DLG2: variants seen among roughly 807,000 people sequenced by gnomAD.
The protein encoded by DLG2 is discs large MAGUK scaffold protein 2, also known as disks large homolog 2.
A neutral mutation model predicts 132.5 loss-of-function variants in DLG2; 45 were observed. The ratio of observed to expected loss-of-function variants is 0.34; its 90% CI spans 0.27 to 0.44. The LOEUF is 0.44. Among genes scored for constraint, DLG2 ranks in the 20% least tolerant of loss-of-function variants. The pLI, the probability that DLG2 is intolerant of heterozygous loss-of-function variation, is 1.00. For missense variants in DLG2, 1,045 were observed against 1,196.9 expected, an observed-to-expected ratio of 0.87 and a Z score of 1.87; for synonymous variants, 424 against 419.6, an observed-to-expected ratio of 1.01 and a Z score of -0.13.
intron 7 of DLG2, among the ~76,000 whole-genome samples, chr11:84,533,100 GCTGAAAGATTTC>G (rs2099346782): frequency 6.6e-6 from 1 of 152,184 alleles, no homozygotes; most frequent in Non-Finnish European, 1.5e-5. Context: ...ATTATCCATT[GCTGAAAGATTTC>G]TAGGGATAGG....
At chr11:83,896,821 G>A (rs1241416253) in intron 15 of DLG2, among the ~76,000 whole-genome samples, 1 of 152,066 alleles carries the variant, frequency 6.6e-6, no homozygotes, top group Non-Finnish European at 1.5e-5. Flanking sequence ...CACTAGAAAT[G>A]GGTGAAGTTT....
intron 3 of DLG2, among the ~76,000 whole-genome samples, chr11:85,512,709 G>A (rs558026517): frequency 6.6e-6 from 1 of 152,166 alleles, no homozygotes; most frequent in Non-Finnish European, 1.5e-5. Context: ...TGGTGAGGTT[G>A]CAGAAAAAAG....
chr11:83,508,788 G>A (rs1372083364), intron 21 of DLG2, among the ~76,000 whole-genome samples: 1 of 152,108 alleles, frequency 6.6e-6, no homozygotes, highest in Non-Finnish European at 1.5e-5. Context: ...TTGCCCAGCC[G>A]GCAAGTGGCA....
At chr11:84,056,990 A>G (rs1288702503) in intron 11 of DLG2, among the ~76,000 whole-genome samples, 1 of 152,100 alleles carries the variant, frequency 6.6e-6, no homozygotes, top group African/African-American at 2.4e-5. Flanking sequence ...TCCTCATCTC[A>G]GTAGACCAAG....
At chr11:83,809,181 A>G (rs919592750) in intron 17 of DLG2, among the ~76,000 whole-genome samples, 7 of 152,192 alleles carry the variant, frequency 4.6e-5, no homozygotes, top group African/African-American at 1.7e-4. Context: ...ATGTGCTGTG[A>G]AAGTCTCATA....
intron 8 of DLG2, among the ~76,000 whole-genome samples, chr11:84,191,467 A>C (rs934774418): frequency 6.6e-6 from 1 of 152,206 alleles, no homozygotes; most frequent in Non-Finnish European, 1.5e-5. Flanking sequence ...CTCTTTCAAA[A>C]ACTACATTAG....
At position 84,714,208 on chromosome 11, in the gene DLG2, C is replaced by T. The variant is rs116387070; in HGVS notation, c.358-179477G>A. Among the ~76,000 whole-genome samples the T allele has an allele frequency of 7.1e-3, 1,076 of 151,322 alleles. 14 individuals carry two copies. Among genetic ancestry groups the T allele is most frequent in the African/African-American group, 0.024 (1,002 of 41,200 alleles). The stretch of plus-strand genomic sequence containing the variant: ...AAAAAACATATACCAAAATGGTCAA[C>T]CTTTGGCAATATTCAAAATAGGTAA... On this transcript the variant is annotated intron_variant, in intron 6 of 27. Coordinates refer to ENST00000376104, the MANE Select transcript of DLG2 (RefSeq NM_001142699.3).
intron 6 of DLG2, chr11:84,800,429 A>G (rs757710900): frequency 1.3e-5 from 2 of 152,200 alleles, no homozygotes; most frequent in Non-Finnish European, 2.9e-5. Flanking sequence ...ATTGCATGGT[A>G]TAATTAAGAG....
At chr11:84,638,832 C>T (rs572465891) in intron 6 of DLG2, among the ~76,000 whole-genome samples, 1 of 152,124 alleles carries the variant, frequency 6.6e-6, no homozygotes, top group South Asian at 2.1e-4. Context: ...GAGTGTTGGT[C>T]AACATGCCGT....
chr11:84,641,857 T>C (rs946275418), intron 6 of DLG2, among the ~76,000 whole-genome samples: 1 of 151,856 alleles, frequency 6.6e-6, no homozygotes, highest in African/African-American at 2.4e-5. Flanking sequence ...TGCCAGTTCC[T>C]ATTAGAGGAA....
chr11:84,450,449 C>A (rs2099048469), intron 7 of DLG2, among the ~76,000 whole-genome samples: 1 of 146,544 alleles, frequency 6.8e-6, no homozygotes. Flanking sequence ...GGAGCAAAAG[C>A]AAGAAGGTTG....
chr11:83,924,063 C>T (rs896770467), intron 15 of DLG2, among the ~76,000 whole-genome samples: 2 of 152,056 alleles, frequency 1.3e-5, no homozygotes, highest in African/African-American at 4.8e-5. Context: ...CGATGCTTAA[C>T]TTATTCCTAT....
intron 6 of DLG2, among the ~76,000 whole-genome samples, chr11:84,844,430 T>C (rs1382407974): frequency 6.6e-6 from 1 of 151,704 alleles, no homozygotes; most frequent in Non-Finnish European, 1.5e-5. Flanking sequence ...CTCCCCACAT[T>C]CCACAATTTC....
intron 6 of DLG2, among the ~76,000 whole-genome samples, chr11:85,101,151 A>T (rs1397102281): frequency 1.3e-5 from 2 of 152,072 alleles, no homozygotes. Context: ...CTTTCTTTCC[A>T]AGCTGTCAGA....
chr11:84,731,624 C>T (rs913613268), intron 6 of DLG2, among the ~76,000 whole-genome samples: 3 of 151,602 alleles, frequency 2.0e-5, no homozygotes, highest in Non-Finnish European at 4.4e-5. Flanking sequence ...CTGAGATAAA[C>T]GTAATACAGA....
At chr11:83,530,046 T>C (rs2095699261) in intron 21 of DLG2, among the ~76,000 whole-genome samples, 1 of 152,010 alleles carries the variant, frequency 6.6e-6, no homozygotes, top group Non-Finnish European at 1.5e-5. Flanking sequence ...ATGGTAGGTA[T>C]TCAGTAAAAA....
chr11:84,422,472 C>G (rs1402224470), intron 7 of DLG2, among the ~76,000 whole-genome samples: 1 of 152,118 alleles, frequency 6.6e-6, no homozygotes, highest in Non-Finnish European at 1.5e-5. Flanking sequence ...ATGAAGTTGA[C>G]CATAAAGTCT....
At chr11:84,185,288 T>C (rs2154284895) in intron 8 of DLG2, among the ~76,000 whole-genome samples, 1 of 152,318 alleles carries the variant, frequency 6.6e-6, no homozygotes, top group African/African-American at 2.4e-5. Flanking sequence ...GTCCTTCATG[T>C]CCCTTGTAAG....
chr11:85,245,926 A>G (rs1363374768), intron 4 of DLG2, among the ~76,000 whole-genome samples: 1 of 151,194 alleles, frequency 6.6e-6, no homozygotes, highest in Non-Finnish European at 1.5e-5. Context: ...CACATAGGTA[A>G]TTCCTTCACC....
Sources: gnomAD v4.1 joint callset for allele counts (sites outside exome capture counted in the v4.1 genomes callset) on GRCh38, gnomAD v4.1.1 for gene constraint, MANE v1.5 for transcripts, NCBI Gene and HGNC (gene_info 2026-07-23, HGNC 2026-07-21) for gene names.